The following CSMD3 variants were observed in gnomAD, a reference collection of about 807,000 sequenced individuals.
CSMD3 encodes CUB and Sushi multiple domains 3.
CSMD3 carries 177 observed loss-of-function variants against 435.2 expected under a neutral mutation model. That is an observed-to-expected ratio of 0.41 (90% confidence interval 0.36 to 0.46). The LOEUF (loss-of-function observed/expected upper bound fraction) is 0.46. Ranked by LOEUF, CSMD3 falls within the 20% of genes least tolerant of loss-of-function variation. CSMD3 has a pLI of 0.34. For synonymous variants in CSMD3, 1,656 were observed against 1,520.5 expected, an observed-to-expected ratio of 1.09 and a Z score of -2.07; for missense variants, 4,265 against 4,504.6, an observed-to-expected ratio of 0.95 and a Z score of 1.52.
intron 13 of CSMD3, among the ~76,000 whole-genome samples, chr8:112,781,881 C>A (rs949179320): frequency 6.6e-6 from 1 of 152,130 alleles, no homozygotes; most frequent in African/African-American, 2.4e-5. Flanking sequence ...GCTTGGGGTG[C>A]CCCTTAATGC....
At chr8:112,612,530 AC>A (rs1833336768) in intron 22 of CSMD3, among the ~76,000 whole-genome samples, 2 of 152,038 alleles carry the variant, frequency 1.3e-5, no homozygotes, top group Admixed American at 6.6e-5. Context: ...CGGCAAGCAG[AC>A]CCTCTCGAAT....
chr8:112,617,402 A>C (rs1356973165), intron 22 of CSMD3, among the ~76,000 whole-genome samples: 2 of 152,310 alleles, frequency 1.3e-5, no homozygotes, highest in East Asian at 3.9e-4. Context: ...TTAATGTTTA[A>C]AACACAAGTA....
At chr8:112,783,418 G>GA (rs2078445662) in intron 13 of CSMD3, among the ~76,000 whole-genome samples, 1 of 87,098 alleles carries the variant, frequency 1.1e-5, no homozygotes, top group Admixed American at 1.3e-4. Context: ...AGGAAGGAGG[G>GA]AGGGAGGGAA....
At chr8:112,792,431 G>A (rs891540960) in intron 13 of CSMD3, among the ~76,000 whole-genome samples, 1 of 152,028 alleles carries the variant, frequency 6.6e-6, no homozygotes, top group Non-Finnish European at 1.5e-5. Flanking sequence ...GTTCATATAA[G>A]GGCACTAATC....
chr8:112,512,334 T>C (rs552947685), intron 28 of CSMD3, among the ~76,000 whole-genome samples: 17 of 152,326 alleles, frequency 1.1e-4, no homozygotes, highest in African/African-American at 3.1e-4. Context: ...CCTTGATCCA[T>C]GGGCTGCAAA....
At chr8:113,322,401 A>G (rs2093955129) in intron 1 of CSMD3, among the ~76,000 whole-genome samples, 1 of 152,170 alleles carries the variant, frequency 6.6e-6, no homozygotes, top group South Asian at 2.1e-4. Context: ...AATCACCCAG[A>G]GCCATTTATA....
At chr8:113,426,404 T>C (rs1003946240) in intron 1 of CSMD3, among the ~76,000 whole-genome samples, 1 of 151,372 alleles carries the variant, frequency 6.6e-6, no homozygotes, top group African/African-American at 2.4e-5. Flanking sequence ...TGGTACATTA[T>C]GTGTTATTTT....
Position 113,181,699 on chromosome 8 carries a change from C to T in CSMD3, c.515-7783G>A, listed in dbSNP as rs114323805. On this transcript the variant is annotated intron_variant, in intron 3 of 70. Coordinates refer to ENST00000297405, the MANE Select transcript of CSMD3 (RefSeq NM_198123.2). ...AAGTTATGATTATTCGAAGCTAACTCTGTTGTACATAACTACCAGAATATT... is the reference window on the plus strand; with the variant it reads ...AAGTTATGATTATTCGAAGCTAACTTTGTTGTACATAACTACCAGAATATT... 3.7e-3 allele frequency among the ~76,000 whole-genome samples: 565 copies of T among 152,096 alleles called. 5 individuals are homozygous for T. Among genetic ancestry groups the T allele is most frequent in the African/African-American group, 0.013 (530 of 41,544 alleles).
chr8:112,849,854 A>C (rs763828944), intron 11 of CSMD3, among the ~76,000 whole-genome samples: 28 of 152,012 alleles, frequency 1.8e-4, no homozygotes, highest in Non-Finnish European at 2.9e-4. Flanking sequence ...TAAATAAAGG[A>C]TAGAAGCCCA....
In CSMD3 at chr8:113,403,865, T is replaced by C. The variant is rs770569121; in HGVS notation, c.178+32812A>G. 2.0e-5 allele frequency among the ~76,000 whole-genome samples: 3 copies of C among 151,418 alleles called. No individual in the cohort carries two copies. The East Asian group carries it at 5.8e-4, about 29-fold the overall frequency. On this transcript the variant is annotated intron_variant, in intron 1 of 70. Coordinates refer to ENST00000297405, the MANE Select transcript of CSMD3 (RefSeq NM_198123.2). ...GATACAGAGATGTAAAATAAAGTAG[T>C]TGATGTTTCATGTATGGCCAAATCG...
intron 17 of CSMD3, among the ~76,000 whole-genome samples, chr8:112,658,174 T>C (rs956780047): frequency 1.3e-5 from 2 of 152,182 alleles, no homozygotes; most frequent in Admixed American, 6.5e-5. Flanking sequence ...ATTTCTCCAG[T>C]TTTATCTCCA....
In CSMD3 at chr8:113,173,856, G is replaced by C. The variant is rs796562378; in HGVS notation, c.575C>G (p.Thr192Arg). The C allele has an allele frequency of 1.2e-6, 2 of 1,613,734 alleles. No homozygotes were observed. The highest frequency in any genetic ancestry group is 3.3e-5 in the Admixed American group (2 of 59,974). ...GVPPKGVLYGTRFDVGDKIRY... is the reference protein window; with the variant it reads ...GVPPKGVLYGRRFDVGDKIRY... ...GATCTTGTCCCCGACGTCGAATCTT[G>C]TGCCATATAATACACCTTTGGGTGG... is the stretch of plus-strand genomic sequence containing the variant. Residue 192 changes from threonine to arginine, a missense_variant, in exon 4 of 71, where the codon ACA becomes AGA. Physicochemically the swap from Thr to Arg is moderately conservative, Grantham distance 71 (BLOSUM62 -1). This residue lies in a region of CSMD3 where 731 missense variants were observed against 755.4 expected (regional missense o/e 0.97). Transcript: ENST00000297405.
rs1223944581 is a variant in CSMD3, at chr8:112,304,696, T to A, written c.8266+25A>T. On this transcript the variant is annotated intron_variant, in intron 52 of 70. Coordinates refer to ENST00000297405, the MANE Select transcript of CSMD3 (RefSeq NM_198123.2). ...CGATAACCAAACATAGCTTATGAAA[T>A]AAGTTTAGCAGAGTGTATACTTACT... is the stretch of plus-strand genomic sequence containing the variant. 2.6e-6 allele frequency: 4 copies of A among 1,551,912 alleles called. No homozygotes were observed. In the Admixed American group the frequency reaches 6.7e-5, roughly 26 times the overall value.
intron 2 of CSMD3, among the ~76,000 whole-genome samples, chr8:113,307,787 G>C (rs1267239922): frequency 6.6e-6 from 1 of 152,106 alleles, no homozygotes; most frequent in African/African-American, 2.4e-5. Flanking sequence ...CATCACAAAA[G>C]TGCAAAATAA....
At chr8:112,532,709 T>C (rs1286831547) in intron 27 of CSMD3, among the ~76,000 whole-genome samples, 2 of 151,560 alleles carry the variant, frequency 1.3e-5, no homozygotes, top group African/African-American at 4.8e-5. Flanking sequence ...AGTCCTTCCA[T>C]CTGAAAAAAA....
Position 113,173,926 on chromosome 8 carries a change from A to T in CSMD3, c.515-10T>A. ...GAGCTACTCTGCAATTCTATTAAAA[A>T]GGAGGAAAAGGAGAGTTTACAGTTA... On this transcript the variant is annotated splice_polypyrimidine_tract_variant and intron_variant, in intron 3 of 70. Transcript: ENST00000297405. 6.3e-7 allele frequency: 1 copy of T among 1,592,884 alleles called. No individual in the cohort carries two copies. The highest frequency in any genetic ancestry group is 8.6e-7 in the Non-Finnish European group (1 of 1,160,710).
At chr8:113,415,430 T>C (rs532864230) in intron 1 of CSMD3, among the ~76,000 whole-genome samples, 21 of 152,224 alleles carry the variant, frequency 1.4e-4, no homozygotes, top group Middle Eastern at 3.4e-3. Context: ...CTAAAAAGAA[T>C]AAAGCATCAA....
chr8:113,379,302 A>G lies in CSMD3; in HGVS notation c.178+57375T>C, dbSNP rs184616168. 3.3e-5 allele frequency among the ~76,000 whole-genome samples: 5 copies of G among 152,294 alleles called. No individual in the cohort carries two copies. In the East Asian group the frequency reaches 9.6e-4, roughly 29 times the overall value. ...TTTTTCTGAGAATTAAAAAAAACAC[A>G]CACACACATTCTGAGTATTTTGTGG... On this transcript the variant is annotated intron_variant, in intron 1 of 70. Transcript: ENST00000297405.
chr8:112,991,731 G>A (rs954215171), intron 6 of CSMD3, among the ~76,000 whole-genome samples: 2 of 151,858 alleles, frequency 1.3e-5, no homozygotes, highest in African/African-American at 4.8e-5. Flanking sequence ...ATATTATTAT[G>A]TGATACTAAA....
Sources: allele counts gnomAD v4.1 joint callset (sites outside exome capture counted in the v4.1 genomes callset), GRCh38; gene constraint gnomAD v4.1.1; regional missense constraint gnomAD v4.1.1; transcripts MANE v1.5; gene names NCBI Gene and HGNC (gene_info 2026-07-23, HGNC 2026-07-21).